Variants in KIF15 observed in about 807,000 individuals in gnomAD.
KIF15 encodes the protein kinesin-like protein KIF15.
In KIF15, 140 loss-of-function variants were observed where a neutral mutation model predicts 190.6. The ratio of observed to expected loss-of-function variants is 0.73; its 90% CI spans 0.64 to 0.84. KIF15 has a LOEUF of 0.84. Ranked by LOEUF, KIF15 falls within the 40% of genes least tolerant of loss-of-function variation. The pLI is 0.00. For synonymous variants in KIF15, 528 were observed against 551.3 expected, an observed-to-expected ratio of 0.96 and a Z score of 0.59; for missense variants, 1,372 against 1,584.4, an observed-to-expected ratio of 0.87 and a Z score of 2.28.
intron 8 of KIF15, among the ~76,000 whole-genome samples, chr3:44,795,355 T>C (rs1016667030): frequency 5.9e-5 from 9 of 152,130 alleles, no homozygotes; most frequent in African/African-American, 1.7e-4. Flanking sequence ...TCAGCATGGC[T>C]CAATGGATGG....
chr3:44,849,524 T>G (rs1698986988), intron 32 of KIF15, among the ~76,000 whole-genome samples: 1 of 152,156 alleles, frequency 6.6e-6, no homozygotes, highest in Non-Finnish European at 1.5e-5. Context: ...CTTGCCATTC[T>G]TTTAAAAGTA....
intron 1 of KIF15, among the ~76,000 whole-genome samples, chr3:44,771,301 G>GA (rs1705630354): frequency 1.3e-5 from 2 of 152,026 alleles, no homozygotes; most frequent in Non-Finnish European, 2.9e-5. Context: ...GGACTCCTCG[G>GA]AAAAAACAGA....
At position 44,847,966 on chromosome 3, in the gene KIF15, C is replaced by A. The variant is rs1698922990; in HGVS notation, c.3696-19C>A. 1 of 1,570,446 alleles carries A rather than the reference C, an allele frequency of 6.4e-7. No homozygotes were observed. The highest frequency in any genetic ancestry group is 1.9e-5 in the Admixed American group (1 of 52,718). ...CAGTGTTTTCCTATGCCTCCTCCCA[C>A]CCCTGTTAATCTATGCAGTGATCAG... On this transcript the variant is annotated intron_variant, in intron 30 of 34. Transcript: ENST00000326047.
chr3:44,823,640 G>A (rs989478642), intron 20 of KIF15, among the ~76,000 whole-genome samples: 2 of 152,172 alleles, frequency 1.3e-5, no homozygotes, highest in African/African-American at 2.4e-5. Flanking sequence ...AGAGGCAGCC[G>A]GCCTTGCTGA....
intron 7 of KIF15, among the ~76,000 whole-genome samples, chr3:44,789,641 T>TA (rs1433968420): frequency 1.3e-5 from 1 of 75,116 alleles, no homozygotes; most frequent in African/African-American, 5.5e-5. Flanking sequence ...TTTGTCTAAT[T>TA]TTATATATAT....
At chr3:44,812,336 A>C (rs748764815) in intron 18 of KIF15, 47 bp downstream of exon 18, 2 of 1,333,032 alleles carry the variant, frequency 1.5e-6, no homozygotes, top group Non-Finnish European at 2.2e-6. Context: ...GTACCCTCAA[A>C]TGTTACCTTG....
At chr3:44,810,001 A>G (rs972249837) in intron 16 of KIF15, among the ~76,000 whole-genome samples, 47 of 152,176 alleles carry the variant, frequency 3.1e-4, no homozygotes, top group African/African-American at 1.1e-3. Context: ...TGGGAGGCAG[A>G]GGTTGTGGTG....
intron 8 of KIF15, among the ~76,000 whole-genome samples, chr3:44,794,674 CCT>C (rs769357457): frequency 7.9e-5 from 12 of 151,948 alleles, no homozygotes; most frequent in Admixed American, 1.3e-4. Flanking sequence ...AAAATGTACC[CCT>C]GTTAGCCGGG....
chr3:44,827,335 AATG>A, intron 22 of KIF15, 121 bp from the exon 23 acceptor site: 1 of 659,182 alleles, frequency 1.5e-6, no homozygotes, highest in South Asian at 2.0e-5. Flanking sequence ...CCCGGAAGGT[AATG>A]CCTGACACCA....
chr3:44,789,642 T>TTTTA (rs1706576864), intron 7 of KIF15, among the ~76,000 whole-genome samples: 6 of 113,616 alleles, frequency 5.3e-5, no homozygotes. Flanking sequence ...TTGTCTAATT[T>TTTTA]TATATATATA....
chr3:44,805,725 G>C, intron 15 of KIF15, 120 bp from the exon 16 acceptor site: 2 of 934,070 alleles, frequency 2.1e-6, no homozygotes, highest in South Asian at 1.6e-5. Context: ...TGAGAGAATA[G>C]AGAATATCTC....
Position 44,801,853 on chromosome 3 carries a change from G to T in KIF15, c.1388G>T (p.Arg463Leu), listed in dbSNP as rs775081702. The change falls in exon 13 of 35, where the codon CGA becomes CTA. Residue 463 changes from arginine to leucine, a missense_variant. By Grantham distance (102) the Arg-to-Leu change is moderately radical. Coordinates refer to ENST00000326047, the MANE Select transcript of KIF15 (RefSeq NM_020242.3). ...IQSNKMIVKF[R>L]EDQIIRLEKL... is the part of the protein sequence containing the mutation. Reference sequence around the variant, plus strand: ...TCTAATAAAATGATTGTGAAATTCCGAGAGGATCAAATAATACGCTTGGAA... The same window carrying T: ...TCTAATAAAATGATTGTGAAATTCCTAGAGGATCAAATAATACGCTTGGAA... 6.2e-7 allele frequency: 1 copy of T among 1,611,992 alleles called. No homozygotes were observed. The highest frequency in any genetic ancestry group is 8.5e-7 in the Non-Finnish European group (1 of 1,178,294).
At chr3:44,785,965 A>G (rs1212098348) in intron 6 of KIF15, among the ~76,000 whole-genome samples, 4 of 152,210 alleles carry the variant, frequency 2.6e-5, no homozygotes, top group Non-Finnish European at 4.4e-5. Context: ...TCACGCCTGT[A>G]ATCCCAGCAC....
At position 44,868,373 on chromosome 3, in the gene KIF15, T is replaced by A. The variant is rs151128307; in HGVS notation, c.*60-4956T>A. 6.0e-3 allele frequency among the ~76,000 whole-genome samples: 917 copies of A among 152,352 alleles called. 5 individuals are homozygous for A. The highest frequency in any genetic ancestry group is 0.024 in the Middle Eastern group (7 of 292). On this transcript the variant is annotated intron_variant and NMD_transcript_variant, in intron 6 of 6. Coordinates refer to the KIF15 transcript ENST00000422209. ...TATACATTCATCTTTTGATAGACAT[T>A]TGGCTTGTTTCCCTTTTCTATTCTA...
intron 6 of KIF15, among the ~76,000 whole-genome samples, chr3:44,867,075 G>T (rs1038715880): frequency 6.6e-6 from 1 of 152,160 alleles, no homozygotes; most frequent in Non-Finnish European, 1.5e-5. Flanking sequence ...AGTTACTCTT[G>T]TTCCTGTATT....
At chr3:44,796,730 A>AT (rs563149261) in intron 8 of KIF15, among the ~76,000 whole-genome samples, 1 of 152,036 alleles carries the variant, frequency 6.6e-6, no homozygotes, top group African/African-American at 2.4e-5. Context: ...TATTTAGCTC[A>AT]TTTTTTCCCC....
chr3:44,826,446 A>G lies in KIF15; in HGVS notation c.2772A>G (p.Lys924=), dbSNP rs750952593. ...NKLSLQFEED[K]ENSSKEILKV... ...TATCATTACAGTTTGAAGAAGATAAAGAAAACAGTTCTAAGTGAGTGCTAT... is the reference window on the plus strand; with the variant it reads ...TATCATTACAGTTTGAAGAAGATAAGGAAAACAGTTCTAAGTGAGTGCTAT... The change falls in exon 22 of 35, where the codon AAA becomes AAG. Residue 924 remains lysine, a synonymous_variant. Transcript: ENST00000326047. 1.9e-6 allele frequency: 3 copies of G among 1,608,596 alleles called. No homozygotes were observed. The African/African-American group carries it at 4.0e-5, about 22-fold the overall frequency.
chr3:44,775,728 A>G (rs566632042), intron 3 of KIF15, among the ~76,000 whole-genome samples: 4 of 151,890 alleles, frequency 2.6e-5, no homozygotes, highest in African/African-American at 9.6e-5. Context: ...TGCTGGGATT[A>G]CAGGTGTGAG....
At chr3:44,851,258 C>G (rs1699048463) in intron 32 of KIF15, among the ~76,000 whole-genome samples, 1 of 152,056 alleles carries the variant, frequency 6.6e-6, no homozygotes. Context: ...AGAGTGAGAC[C>G]CTGTCCCTAA....
Sources: allele counts gnomAD v4.1 joint callset (sites outside exome capture counted in the v4.1 genomes callset), GRCh38; gene constraint gnomAD v4.1.1; transcripts MANE v1.5; gene names NCBI Gene and HGNC (gene_info 2026-07-23, HGNC 2026-07-21).